Variants in TDP1 observed in about 807,000 individuals in gnomAD.
TDP1 encodes the protein tyr-DNA phosphodiesterase 1.
TDP1 carries 64 observed loss-of-function variants against 81.5 expected under a neutral mutation model. The ratio of observed to expected loss-of-function variants is 0.79; its 90% CI spans 0.64 to 0.97. TDP1 has a LOEUF of 0.97. Ranked by LOEUF, TDP1 falls within the 50% of genes least tolerant of loss-of-function variation. The pLI is 0.00. For synonymous variants in TDP1, 256 were observed against 264.3 expected, an observed-to-expected ratio of 0.97 and a Z score of 0.30; for missense variants, 723 against 743.8, an observed-to-expected ratio of 0.97 and a Z score of 0.33.
intron 14 of TDP1, among the ~76,000 whole-genome samples, chr14:90,014,925 T>C (rs532804803): frequency 6.4e-4 from 98 of 152,238 alleles, no homozygotes; most frequent in Non-Finnish European, 1.2e-3. Context: ...GGCAGTTGTT[T>C]CCCCCATGTG....
chr14:90,004,649 A>C (rs1361697524), intron 14 of TDP1, among the ~76,000 whole-genome samples: 1 of 152,206 alleles, frequency 6.6e-6, no homozygotes, highest in Non-Finnish European at 1.5e-5. Context: ...TTTTAGTTAT[A>C]GATGATGGAC....
intron 14 of TDP1, among the ~76,000 whole-genome samples, chr14:90,007,675 G>C (rs1050453404): frequency 6.6e-6 from 1 of 151,918 alleles, no homozygotes; most frequent in Non-Finnish European, 1.5e-5. Context: ...ACCCAGGCTT[G>C]GTTCACTGTA....
intron 7 of TDP1, among the ~76,000 whole-genome samples, chr14:89,976,527 CTT>C (rs35744477): frequency 1.5e-4 from 13 of 88,748 alleles, no homozygotes; most frequent in African/African-American, 3.5e-4. Context: ...CAACAGAGCT[CTT>C]TTTTTTTTTT....
chr14:89,970,807 T>G (rs1893537176), intron 5 of TDP1: 1 of 918,542 alleles, frequency 1.1e-6, no homozygotes, highest in Admixed American at 6.2e-5. Context: ...CGAGTCCAGC[T>G]TCATGAATGA....
At chr14:89,956,828 CAG>C (rs3059099) in intron 2 of TDP1, 28 bp downstream of exon 2, 7,974 of 152,322 alleles carry the variant, frequency 0.052, 340 homozygotes, top group African/African-American at 0.11. Context: ...ACCTGGGAGG[CAG>C]AGAGGTTGGA....
At chr14:89,987,015 A>G (rs1895645233) in intron 10 of TDP1, 1 of 152,258 alleles carries the variant, frequency 6.6e-6, no homozygotes, top group African/African-American at 2.4e-5. Context: ...CAGGAAATGC[A>G]GATCAGTCTT....
intron 14 of TDP1, among the ~76,000 whole-genome samples, chr14:90,014,160 T>C (rs1885042245): frequency 6.6e-6 from 1 of 152,224 alleles, no homozygotes. Context: ...AAAGAATACT[T>C]CTATACAATG....
Position 89,973,007 on chromosome 14 carries a change from T to C in TDP1, c.756+1736T>C, listed in dbSNP as rs112160927. Among the ~76,000 whole-genome samples, 298 of 152,332 alleles carry C rather than the reference T, an allele frequency of 2.0e-3. 1 individual carries two copies. The highest frequency in any genetic ancestry group is 6.8e-3 in the African/African-American group (282 of 41,572). Reference sequence around the variant, plus strand: ...TATTGTATCACTCTTTTTCCAACTATATATGATATCTTTGTATTTTTTTAA... The same window carrying C: ...TATTGTATCACTCTTTTTCCAACTACATATGATATCTTTGTATTTTTTTAA... On this transcript the variant is annotated intron_variant, in intron 6 of 16. Transcript: ENST00000335725.
rs1888557796 is a variant in TDP1, at chr14:90,043,491, A to G, written c.*348A>G. On this transcript the variant is annotated 3_prime_UTR_variant, in exon 17 of 17. Coordinates refer to ENST00000335725, the MANE Select transcript of TDP1 (RefSeq NM_018319.4). ...AATTTTGGAATATTTGCATAGCATA[A>G]TGAGATATCTTGGGAATGGGACCCA... 5.3e-6 allele frequency: 2 copies of G among 377,830 alleles called. No individual in the cohort carries two copies. Among genetic ancestry groups the G allele is most frequent in the Non-Finnish European group, 9.8e-6 (2 of 203,338 alleles). 23.4% of individuals were successfully genotyped at this position (377,830 alleles called of 1,614,324 possible).
At chr14:90,019,223 A>G in intron 14 of TDP1, 93 bp from the exon 15 acceptor site, 3 of 1,306,836 alleles carry the variant, frequency 2.3e-6, no homozygotes, top group Non-Finnish European at 2.2e-6. Flanking sequence ...GCAGCTATAT[A>G]TTTTTTTGAC....
chr14:89,980,156 C>A (rs2140068646), intron 7 of TDP1: 1 of 985,320 alleles, frequency 1.0e-6, no homozygotes, highest in South Asian at 4.7e-5. Flanking sequence ...TAAAAAATGC[C>A]AGCCATGATG....
In TDP1 at chr14:89,986,084, A is replaced by G. The variant is rs369956537; in HGVS notation, c.1131+874A>G. On this transcript the variant is annotated intron_variant, in intron 10 of 16. Transcript: ENST00000335725. Reference sequence around the variant, plus strand: ...CTTAAAAGCCTTAACCTCTTATTCCATAAACTATTTAAAGTCTAAGAATTT... The same window carrying G: ...CTTAAAAGCCTTAACCTCTTATTCCGTAAACTATTTAAAGTCTAAGAATTT... Among the ~76,000 whole-genome samples, 35 of 152,366 alleles carry G rather than the reference A, an allele frequency of 2.3e-4. No individual in the cohort carries two copies. The East Asian group carries it at 5.2e-3, about 23-fold the overall frequency.
intron 2 of TDP1, 191 bp from the exon 3 acceptor site, chr14:89,962,917 C>T: frequency 1.0e-6 from 1 of 985,086 alleles, no homozygotes; most frequent in Non-Finnish European, 1.2e-6. Flanking sequence ...AGGACTTTTG[C>T]TTGTGATTTG....
intron 3 of TDP1, 118 bp downstream of exon 3, chr14:89,963,791 C>T: frequency 8.2e-7 from 1 of 1,223,888 alleles, no homozygotes; most frequent in Non-Finnish European, 1.2e-6. Flanking sequence ...TTCTTAACTA[C>T]TTTCAGGAAA....
chr14:89,973,042 A>T lies in TDP1; in HGVS notation c.756+1771A>T, dbSNP rs546476242. On this transcript the variant is annotated intron_variant, in intron 6 of 16. Coordinates refer to ENST00000335725, the MANE Select transcript of TDP1 (RefSeq NM_018319.4). ...CTTTGTATTTTTTTAAGATTAATAC[A>T]GTACAAGAGCTCAATCTTGTTAGTT... is the stretch of plus-strand genomic sequence containing the variant. Among the ~76,000 whole-genome samples, 29 of 151,324 alleles carry T rather than the reference A, an allele frequency of 1.9e-4. No homozygotes were observed. In the South Asian group the frequency reaches 5.6e-3, roughly 29 times the overall value.
chr14:89,998,549 T>C (rs1168874973), intron 14 of TDP1, among the ~76,000 whole-genome samples: 1 of 150,640 alleles, frequency 6.6e-6, no homozygotes, highest in African/African-American at 2.5e-5. Flanking sequence ...AGCACAGAGG[T>C]TAAACAATGT....
At chr14:90,042,578 C>T (rs1486636168) in intron 16 of TDP1, among the ~76,000 whole-genome samples, 2 of 152,146 alleles carry the variant, frequency 1.3e-5, no homozygotes, top group African/African-American at 4.8e-5. Flanking sequence ...TTAATTGACT[C>T]ATAGTTCCAC....
chr14:90,041,515 C>T (rs561658063), intron 16 of TDP1, among the ~76,000 whole-genome samples: 84 of 152,296 alleles, frequency 5.5e-4, no homozygotes, highest in African/African-American at 1.9e-3. Flanking sequence ...CGTGAGGCTG[C>T]GAGAAGACAG....
intron 6 of TDP1, among the ~76,000 whole-genome samples, chr14:89,971,794 G>A (rs1893695799): frequency 6.6e-6 from 1 of 152,126 alleles, no homozygotes; most frequent in Non-Finnish European, 1.5e-5. Flanking sequence ...GTGGCTGTGG[G>A]TTTCTTTTTG....
Sources: allele counts gnomAD v4.1 joint callset (sites outside exome capture counted in the v4.1 genomes callset), GRCh38; gene constraint gnomAD v4.1.1; transcripts MANE v1.5; gene names NCBI Gene and HGNC (gene_info 2026-07-23, HGNC 2026-07-21).